Variants in CDKL4 observed in about 807,000 individuals in gnomAD.
CDKL4 encodes cyclin dependent kinase like 4.
A neutral mutation model predicts 42.0 loss-of-function variants in CDKL4; 44 were observed. That is an observed-to-expected ratio of 1.05 (90% confidence interval 0.82 to 1.35). CDKL4 has a LOEUF of 1.35. Among genes scored for constraint, CDKL4 ranks in the 40% most tolerant of loss-of-function variants. CDKL4 has a pLI of 0.00. For synonymous variants in CDKL4, 120 were observed against 121.6 expected, an observed-to-expected ratio of 0.99 and a Z score of 0.09; for missense variants, 393 against 369.9, an observed-to-expected ratio of 1.06 and a Z score of -0.51.
chr2:39,173,248 G>C (rs1045176566), downstream of CDKL4, among the ~76,000 whole-genome samples: 48 of 152,282 alleles, frequency 3.2e-4, no homozygotes, highest in African/African-American at 1.1e-3. Context: ...AAGATAGCTA[G>C]AGCAGTATGA....
In CDKL4 at chr2:39,179,201, T is replaced by C; in HGVS notation, c.913A>G (p.Arg305Gly). The stretch of plus-strand genomic sequence containing the variant: ...AGCGGAAGTACCTGTTGGCGTCTTC[T>C]GTTTCTTCCTTCATTACGTGCTTTT... The change falls in exon 9 of 10, where the codon AGA becomes GGA. Residue 305 changes from arginine (R) to glycine (G), a missense_variant. Transcript: ENST00000451199. 4 of 1,608,050 alleles carry C rather than the reference T, an allele frequency of 2.5e-6. No individual in the cohort carries two copies. In the South Asian group the frequency reaches 4.5e-5, roughly 18 times the overall value.
intron 4 of CDKL4, among the ~76,000 whole-genome samples, chr2:39,212,388 C>G (rs1303638855): frequency 6.6e-6 from 1 of 151,926 alleles, no homozygotes; most frequent in Non-Finnish European, 1.5e-5. Flanking sequence ...CACCCGCCAC[C>G]ATGCCCGGCC....
chr2:39,211,251 G>A (rs770337096), intron 4 of CDKL4, among the ~76,000 whole-genome samples: 1 of 152,168 alleles, frequency 6.6e-6, no homozygotes, highest in Non-Finnish European at 1.5e-5. Flanking sequence ...GCTGAGTGTA[G>A]TGGCATGTGC....
intron 2 of CDKL4, among the ~76,000 whole-genome samples, chr2:39,228,051 C>T (rs1678864697): frequency 6.6e-6 from 1 of 152,292 alleles, no homozygotes; most frequent in South Asian, 2.1e-4. Flanking sequence ...CATCAGAGAC[C>T]AAGCTGAGTC....
At chr2:39,212,723 G>C (rs1330349290) in intron 4 of CDKL4, among the ~76,000 whole-genome samples, 1 of 152,094 alleles carries the variant, frequency 6.6e-6, no homozygotes, top group Admixed American at 6.6e-5. Flanking sequence ...GCAGTGGTGT[G>C]ATCTCAGCTC....
At chr2:39,212,563 G>T (rs1245425141) in intron 4 of CDKL4, among the ~76,000 whole-genome samples, 1 of 151,630 alleles carries the variant, frequency 6.6e-6, no homozygotes, top group South Asian at 2.1e-4. Flanking sequence ...AAAGGAAAGG[G>T]GCACTTAGAT....
intron 5 of CDKL4, among the ~76,000 whole-genome samples, chr2:39,193,999 TACAATGA>T (rs1676357604): frequency 6.6e-6 from 1 of 152,244 alleles, no homozygotes; most frequent in South Asian, 2.1e-4. Flanking sequence ...TAAATGGTTC[TACAATGA>T]ACATTATGTT....
chr2:39,178,885 T>C (rs1160695285), intron 9 of CDKL4: 11 of 1,465,512 alleles, frequency 7.5e-6, no homozygotes, highest in East Asian at 2.5e-5. Context: ...TTTTATTATA[T>C]GAAGTTGTTA....
chr2:39,190,525 A>G, intron 5 of CDKL4, 23 bp from the exon 6 acceptor site: 1 of 1,609,572 alleles, frequency 6.2e-7, no homozygotes, highest in Middle Eastern at 1.7e-4. Context: ...CAATCAGATC[A>G]GGTAAGTCAA....
intron 8 of CDKL4, among the ~76,000 whole-genome samples, chr2:39,184,380 C>T (rs973234952): frequency 1.3e-5 from 2 of 152,162 alleles, no homozygotes; most frequent in Non-Finnish European, 2.9e-5. Flanking sequence ...CTGATTTTGC[C>T]TCATCTACTA....
At chr2:39,215,114 G>A (rs921508304) in intron 3 of CDKL4, among the ~76,000 whole-genome samples, 4 of 152,094 alleles carry the variant, frequency 2.6e-5, no homozygotes, top group Non-Finnish European at 5.9e-5. Context: ...CCAAACATCT[G>A]TGCATCAAAG....
intron 1 of CDKL4, among the ~76,000 whole-genome samples, chr2:39,238,742 ATTTTATTTTAT>A (rs1385149615): frequency 6.6e-6 from 1 of 150,974 alleles, no homozygotes; most frequent in Non-Finnish European, 1.5e-5. Context: ...GACTTTTAAA[ATTTTATTTTAT>A]TTTTATTTTA....
chr2:39,223,787 TG>T (rs1678525594), intron 3 of CDKL4, among the ~76,000 whole-genome samples: 1 of 151,964 alleles, frequency 6.6e-6, no homozygotes, highest in African/African-American at 2.4e-5. Context: ...TTTGTAGAGA[TG>T]GGTTTCACCA....
chr2:39,187,881 A>G (rs1675923762), intron 6 of CDKL4, among the ~76,000 whole-genome samples, 172 bp from the exon 7 acceptor site: 1 of 152,176 alleles, frequency 6.6e-6, no homozygotes. Context: ...CAGCCTGGTC[A>G]ACATGGCGAA....
intron 9 of CDKL4, chr2:39,178,863 T>C: frequency 1.3e-6 from 2 of 1,482,104 alleles, no homozygotes; most frequent in East Asian, 2.5e-5. Flanking sequence ...CTCAGTCCTG[T>C]TGGAATCAGC....
chr2:39,171,508 G>T (rs1236287051), downstream of CDKL4, among the ~76,000 whole-genome samples: 1 of 152,170 alleles, frequency 6.6e-6, no homozygotes, highest in Non-Finnish European at 1.5e-5. Flanking sequence ...GGGCTTTGTG[G>T]TTGGGGCAAG....
intron 1 of CDKL4, among the ~76,000 whole-genome samples, chr2:39,235,078 T>C (rs1459834016): frequency 1.3e-5 from 2 of 152,080 alleles, no homozygotes; most frequent in Non-Finnish European, 1.5e-5. Flanking sequence ...GGTCTTGGTT[T>C]GCTGCCCAGG....
intron 7 of CDKL4, 83 bp from the exon 8 acceptor site, chr2:39,184,730 G>A: frequency 6.4e-6 from 5 of 786,842 alleles, no homozygotes; most frequent in Non-Finnish European, 8.5e-6. Flanking sequence ...GTATGTGTGT[G>A]TGTGTGTGTG....
At chr2:39,187,737 C>T in intron 6 of CDKL4, 28 bp from the exon 7 acceptor site, 1 of 1,515,648 alleles carries the variant, frequency 6.6e-7, no homozygotes, top group Non-Finnish European at 9.1e-7. Context: ...CATAATTCAT[C>T]ATAAATTTGG....
Sources: gnomAD v4.1 joint callset for allele counts (sites outside exome capture counted in the v4.1 genomes callset) on GRCh38, gnomAD v4.1.1 for gene constraint, MANE v1.5 for transcripts, NCBI Gene and HGNC (gene_info 2026-07-23, HGNC 2026-07-21) for gene names.